Variants in FRMPD2 observed in about 807,000 individuals in gnomAD.
The protein encoded by FRMPD2 is FERM and PDZ domain containing 2.
Under a neutral mutation model 140.1 loss-of-function variants are expected in FRMPD2, and 96 were observed. The observed-to-expected ratio is 0.69, with a 90% CI of 0.58 to 0.81. FRMPD2 has a LOEUF of 0.81. Ranked by LOEUF, FRMPD2 falls within the 40% of genes least tolerant of loss-of-function variation. The probability of loss-of-function intolerance (pLI) is 0.00; values close to 1 mark genes in which losing one functional copy is unlikely to be tolerated. For synonymous variants in FRMPD2, 449 were observed against 547.6 expected, an observed-to-expected ratio of 0.82 and a Z score of 2.52; for missense variants, 1,240 against 1,447.4, an observed-to-expected ratio of 0.86 and a Z score of 2.32.
At chr10:48,185,731 C>G in intron 17 of FRMPD2, 86 bp from the exon 18 acceptor site, 1 of 896,204 alleles carries the variant, frequency 1.1e-6, no homozygotes, top group East Asian at 2.4e-5. Flanking sequence ...GCATTTCACA[C>G]ACATGCGCGC....
intron 10 of FRMPD2, among the ~76,000 whole-genome samples, chr10:48,228,816 TCTAGTTGGAGG>T (rs1211012216): frequency 5.3e-5 from 8 of 152,094 alleles, no homozygotes; most frequent in African/African-American, 1.9e-4. Flanking sequence ...AGTAATTTTC[TCTAGTTGGAGG>T]CTAGTTGAGG....
chr10:48,224,439 C>T (rs2131908603), intron 10 of FRMPD2, among the ~76,000 whole-genome samples: 1 of 152,282 alleles, frequency 6.6e-6, no homozygotes, highest in Non-Finnish European at 1.5e-5. Flanking sequence ...TCTTCCAATG[C>T]CTATGCATGC....
intron 28 of FRMPD2, among the ~76,000 whole-genome samples, chr10:48,160,067 C>G (rs1321681106): frequency 6.6e-6 from 1 of 151,498 alleles, no homozygotes; most frequent in Non-Finnish European, 1.5e-5. Context: ...AGTGATGTTT[C>G]AAGGGTAATG....
chr10:48,187,554 T>C (rs944911427), intron 16 of FRMPD2, among the ~76,000 whole-genome samples: 1 of 152,212 alleles, frequency 6.6e-6, no homozygotes, highest in Non-Finnish European at 1.5e-5. Flanking sequence ...TCTGGCTTCA[T>C]ATGAGCCTCC....
At chr10:48,211,342 T>C (rs1839319111) in intron 13 of FRMPD2, among the ~76,000 whole-genome samples, 1 of 152,248 alleles carries the variant, frequency 6.6e-6, no homozygotes, top group South Asian at 2.1e-4. Flanking sequence ...CTGTGCTATG[T>C]TGAGGACTGC....
chr10:48,251,992 G>T (rs906321933), intron 1 of FRMPD2, among the ~76,000 whole-genome samples: 17 of 152,358 alleles, frequency 1.1e-4, no homozygotes, highest in African/African-American at 3.4e-4. Context: ...AATGAAACAT[G>T]AGAACAGCAC....
intron 27 of FRMPD2, among the ~76,000 whole-genome samples, chr10:48,163,910 A>C (rs1272663593): frequency 2.6e-5 from 4 of 151,348 alleles, no homozygotes; most frequent in African/African-American, 9.8e-5. Context: ...TTTTAAATAA[A>C]AAATATTTGC....
At chr10:48,273,777 C>T (rs900885485) in intron 1 of FRMPD2, among the ~76,000 whole-genome samples, 4 of 151,886 alleles carry the variant, frequency 2.6e-5, no homozygotes, top group African/African-American at 9.7e-5. Flanking sequence ...AGTAAGTTCT[C>T]GTTGAATTAA....
At chr10:48,182,799 C>T (rs1838583440) in intron 20 of FRMPD2, among the ~76,000 whole-genome samples, 1 of 152,220 alleles carries the variant, frequency 6.6e-6, no homozygotes. Flanking sequence ...TTGGACTATG[C>T]TGAATTGTGA....
intron 2 of FRMPD2, among the ~76,000 whole-genome samples, chr10:48,250,818 G>A (rs1202938861): frequency 2.4e-5 from 3 of 123,774 alleles, no homozygotes; most frequent in East Asian, 4.8e-4. Context: ...TTTTTTTTGA[G>A]ATGAGTCTTG....
chr10:48,174,439 G>T (rs1198638422), intron 24 of FRMPD2, among the ~76,000 whole-genome samples: 7 of 152,204 alleles, frequency 4.6e-5, no homozygotes, highest in Admixed American at 2.6e-4. Flanking sequence ...TACAACACAG[G>T]GTGAGGGGGA....
At chr10:48,265,590 C>A (rs1032523110) in intron 1 of FRMPD2, among the ~76,000 whole-genome samples, 1 of 152,090 alleles carries the variant, frequency 6.6e-6, no homozygotes, top group Admixed American at 6.5e-5. Flanking sequence ...AGAAGACATA[C>A]ATGCAACCAA....
At chr10:48,230,556 A>G (rs897224991) in intron 10 of FRMPD2, among the ~76,000 whole-genome samples, 1 of 152,190 alleles carries the variant, frequency 6.6e-6, no homozygotes, top group Non-Finnish European at 1.5e-5. Flanking sequence ...ATCAAGGCCA[A>G]ACTTGATGAG....
chr10:48,210,798 G>A (rs1164430258), intron 13 of FRMPD2, among the ~76,000 whole-genome samples: 1 of 152,246 alleles, frequency 6.6e-6, no homozygotes, highest in Non-Finnish European at 1.5e-5. Context: ...CCAACCTCAT[G>A]TTGGCTGTTC....
Position 48,236,274 on chromosome 10 carries a change from C to T in FRMPD2, c.993+208G>A, listed in dbSNP as rs1400477848. Among the ~76,000 whole-genome samples, 3 of 152,146 alleles carry T rather than the reference C, an allele frequency of 2.0e-5. No homozygotes were observed. In the East Asian group the frequency reaches 5.8e-4, roughly 29 times the overall value. ...TGAGGCTGGGAGGGCCAGCAGGACT[C>T]AGCTGGAAGTCACGTGGGGCCCCTT... On this transcript the variant is annotated intron_variant, in intron 9 of 28. Transcript: ENST00000374201.
chr10:48,192,969 A>G lies in FRMPD2; in HGVS notation c.1955-75T>C, dbSNP rs530455066. The G allele has an allele frequency of 9.8e-6, 11 of 1,123,276 alleles. No individual in the cohort carries two copies. In the Admixed American group the frequency reaches 1.9e-4, roughly 19 times the overall value. The allele number at this position is 1,123,276 out of a possible 1,614,324, so 69.6% of individuals were successfully genotyped here. A position where few individuals can be genotyped will look rare whatever the true frequency, so the allele number is the denominator to read the frequency against. ...TGGATCCATTGCTCTGGTGGTTGTA[A>G]CATATCACTGGGCCCCCGCTCTCCT... On this transcript the variant is annotated intron_variant, in intron 15 of 28. Transcript: ENST00000374201.
intron 5 of FRMPD2, among the ~76,000 whole-genome samples, chr10:48,241,483 G>C (rs1005992494): frequency 5.3e-5 from 8 of 152,222 alleles, no homozygotes; most frequent in African/African-American, 1.9e-4. Flanking sequence ...TCCCCAGGGG[G>C]CCAGGCTGGG....
chr10:48,181,865 A>ATATATATATATATATATATATC (rs1304732102), intron 20 of FRMPD2, among the ~76,000 whole-genome samples: 1 of 64,700 alleles, frequency 1.5e-5, no homozygotes, highest in African/African-American at 6.3e-5. Context: ...CCTCATATAT[A>ATATATATATATATATATATATC]TATATATATA....
chr10:48,245,050 A>G (rs12246849), intron 3 of FRMPD2, among the ~76,000 whole-genome samples: 7,611 of 152,242 alleles, frequency 0.05, 613 homozygotes, highest in African/African-American at 0.17. Flanking sequence ...AGAAACCATG[A>G]CACTCAGTTT....
Sources: gnomAD v4.1 joint callset for allele counts (sites outside exome capture counted in the v4.1 genomes callset) on GRCh38, gnomAD v4.1.1 for gene constraint, MANE v1.5 for transcripts, NCBI Gene and HGNC (gene_info 2026-07-23, HGNC 2026-07-21) for gene names.